The following EGFR variants were observed in gnomAD, a reference collection of about 807,000 sequenced individuals.
The protein encoded by EGFR is epidermal growth factor receptor.
EGFR carries 58 observed loss-of-function variants against 143.0 expected under a neutral mutation model. That is an observed-to-expected ratio of 0.41 (90% confidence interval 0.33 to 0.50). The LOEUF is 0.50. EGFR is among the 20% of genes least tolerant of loss of function. EGFR has a pLI of 0.39. For synonymous variants in EGFR, 613 were observed against 594.4 expected (o/e 1.03, Z -0.45); for missense variants, 1,307 against 1,579.0 (o/e 0.83, Z 2.92).
chr7:55,130,573 AACTT>A lies in EGFR; in HGVS notation c.89-11711_89-11708del, dbSNP rs201009324. On this transcript the variant is annotated intron_variant, in intron 1 of 27. Transcript: ENST00000275493. ...CATCCCTTCACCCACTTTAAAATGA[AACTT>A]AAAAGGAGGATTTCAGTTGAGTAGG... Among the ~76,000 whole-genome samples, 828 of 152,306 alleles carry A rather than the reference AACTT, an allele frequency of 5.4e-3. 9 individuals are homozygous for A. Among genetic ancestry groups the A allele is most frequent in the African/African-American group, 0.019 (801 of 41,564 alleles).
At chr7:55,191,645 A>C (rs1355360695) in intron 20 of EGFR, 74 bp from the exon 21 acceptor site, 12 of 1,600,164 alleles carry the variant, frequency 7.5e-6, no homozygotes, top group Non-Finnish European at 1.0e-5. Context: ...TGGCATGAAC[A>C]TGACCCTGAA....
At chr7:55,055,391 G>T (rs892446898) in intron 1 of EGFR, among the ~76,000 whole-genome samples, 1 of 152,142 alleles carries the variant, frequency 6.6e-6, no homozygotes, top group East Asian at 1.9e-4. Flanking sequence ...CTGTTCTAAC[G>T]TGCAGATCTG....
At chr7:55,122,576 T>C (rs1053557940) in intron 1 of EGFR, among the ~76,000 whole-genome samples, 2 of 152,346 alleles carry the variant, frequency 1.3e-5, no homozygotes, top group East Asian at 3.9e-4. Context: ...GGATCTTCAC[T>C]CTCTCACAGA....
At chr7:55,121,844 G>A (rs1793225765) in intron 1 of EGFR, among the ~76,000 whole-genome samples, 2 of 152,158 alleles carry the variant, frequency 1.3e-5, no homozygotes, top group Admixed American at 6.5e-5. Flanking sequence ...AATATATATG[G>A]CCTCTGTGCG....
At position 55,210,319 on chromosome 7, in the gene EGFR, G is replaced by C. The variant is rs1012560642; in HGVS notation, c.*4702G>C. The C allele has an allele frequency of 6.6e-6, 1 of 152,142 alleles. No homozygotes were observed. Among genetic ancestry groups the C allele is most frequent in the Admixed American group, 6.6e-5 (1 of 15,266 alleles). 9.4% of individuals were successfully genotyped at this position (152,142 alleles called of 1,614,324 possible). On this transcript the variant is annotated 3_prime_UTR_variant, in exon 28 of 28. Coordinates refer to ENST00000275493, the MANE Select transcript of EGFR (RefSeq NM_005228.5). ...AGCCTAATAATGTTCAGCACACTTT[G>C]GTTAGTTCACCAACAGTCTTACCAA... is the stretch of plus-strand genomic sequence containing the variant.
chr7:55,168,552 A>G, intron 15 of EGFR: 1 of 1,609,320 alleles, frequency 6.2e-7, no homozygotes, highest in South Asian at 1.1e-5. Context: ...GTCTGACTTT[A>G]GTCTCCCACT....
intron 22 of EGFR, 49 bp from the exon 23 acceptor site, chr7:55,198,668 T>C (rs2128968536): frequency 3.7e-6 from 6 of 1,611,558 alleles, no homozygotes; most frequent in Non-Finnish European, 3.4e-6. Context: ...GGGATTGTGA[T>C]TGTTCATTCA....
intron 1 of EGFR, among the ~76,000 whole-genome samples, chr7:55,077,510 G>A (rs1007140753): frequency 3.3e-5 from 5 of 152,204 alleles, no homozygotes; most frequent in African/African-American, 7.2e-5. Context: ...AAAAGTGTGT[G>A]TGTGTTGTGT....
intron 1 of EGFR, among the ~76,000 whole-genome samples, chr7:55,107,187 T>A (rs1269096031): frequency 2.0e-5 from 3 of 152,240 alleles, no homozygotes; most frequent in Non-Finnish European, 4.4e-5. Context: ...GTTAATGTGG[T>A]AACAATTATG....
At chr7:55,200,557 G>C in intron 24 of EGFR, 144 bp downstream of exon 24, 1 of 823,886 alleles carries the variant, frequency 1.2e-6, no homozygotes, top group Non-Finnish European at 2.0e-6. Flanking sequence ...GCAAGCCTCA[G>C]TAAGGCGCAG....
At chr7:55,140,713 T>C (rs1794410886) in intron 1 of EGFR, among the ~76,000 whole-genome samples, 1 of 152,186 alleles carries the variant, frequency 6.6e-6, no homozygotes, top group Non-Finnish European at 1.5e-5. Flanking sequence ...GGAAAAATGA[T>C]GGAATAATTC....
intron 16 of EGFR, 27 bp downstream of exon 16, chr7:55,171,240 T>C: frequency 6.2e-7 from 1 of 1,614,176 alleles, no homozygotes; most frequent in Non-Finnish European, 8.5e-7. Context: ...CTGTGTCACA[T>C]GGACCTCGTC....
intron 1 of EGFR, among the ~76,000 whole-genome samples, chr7:55,101,114 T>G (rs1791793856): frequency 6.6e-6 from 1 of 152,174 alleles, no homozygotes; most frequent in African/African-American, 2.4e-5. Flanking sequence ...TGACAACCTC[T>G]GCAAGGGCTG....
intron 16 of EGFR, 159 bp from the exon 17 acceptor site, chr7:55,172,824 A>G: frequency 1.3e-6 from 2 of 1,554,462 alleles, no homozygotes; most frequent in Non-Finnish European, 1.7e-6. Context: ...TTGCCTTAGA[A>G]GCCTGTTTTT....
At chr7:55,020,885 TAA>T (rs34696698) in intron 1 of EGFR, among the ~76,000 whole-genome samples, 2 of 144,206 alleles carry the variant, frequency 1.4e-5, no homozygotes, top group African/African-American at 5.1e-5. Context: ...TACCTGGGAT[TAA>T]AAAAAAAAAA....
In EGFR at chr7:55,209,379, C is replaced by T. The variant is rs1562813566; in HGVS notation, c.*3762C>T. The T allele has an allele frequency of 6.6e-6, 1 of 152,188 alleles. No homozygotes were observed. Among genetic ancestry groups the T allele is most frequent in the Non-Finnish European group, 1.5e-5 (1 of 68,050 alleles). The allele number at this position is 152,188 out of a possible 1,614,324, so 9.4% of individuals were successfully genotyped here. Reference sequence around the variant, plus strand: ...CTCATTTCAAAAGCGTTCAATTCATCCTCACCAGCAGTTCAGCTGGAAAGG... The same window carrying T: ...CTCATTTCAAAAGCGTTCAATTCATTCTCACCAGCAGTTCAGCTGGAAAGG... On this transcript the variant is annotated 3_prime_UTR_variant, in exon 28 of 28. Transcript: ENST00000275493.
chr7:55,161,474 G>A (rs2128942603), intron 12 of EGFR, 25 bp from the exon 13 acceptor site: 1 of 1,610,802 alleles, frequency 6.2e-7, no homozygotes, highest in Non-Finnish European at 8.5e-7. Context: ...GTCACTGACT[G>A]CTGTGACCCA....
intron 1 of EGFR, among the ~76,000 whole-genome samples, chr7:55,106,250 C>T (rs1208195304): frequency 1.3e-5 from 2 of 152,230 alleles, no homozygotes; most frequent in Non-Finnish European, 1.5e-5. Flanking sequence ...CGCACACGCT[C>T]ACTGCTCCCC....
chr7:55,139,886 T>G (rs1794363465), intron 1 of EGFR, among the ~76,000 whole-genome samples: 1 of 152,144 alleles, frequency 6.6e-6, no homozygotes, highest in South Asian at 2.1e-4. Flanking sequence ...TATGTAATGT[T>G]GTTACTGTCT....
Sources: allele counts gnomAD v4.1 joint callset (sites outside exome capture counted in the v4.1 genomes callset), GRCh38; gene constraint gnomAD v4.1.1; transcripts MANE v1.5; gene names NCBI Gene and HGNC (gene_info 2026-07-23, HGNC 2026-07-21).